The following ARHGAP39 variants were observed in gnomAD, a reference collection of about 807,000 sequenced individuals.
The protein encoded by ARHGAP39 is Rho GTPase activating protein 39.
ARHGAP39 carries 44 observed loss-of-function variants against 106.9 expected under a neutral mutation model. The observed-to-expected ratio is 0.41, with a 90% CI of 0.32 to 0.53. The LOEUF (loss-of-function observed/expected upper bound fraction) is 0.53. ARHGAP39 is among the 20% of genes least tolerant of loss of function. The pLI is 0.21. For synonymous variants in ARHGAP39, 768 were observed against 693.2 expected, an observed-to-expected ratio of 1.11 and a Z score of -1.69; for missense variants, 1,496 against 1,577.3, an observed-to-expected ratio of 0.95 and a Z score of 0.87.
intron 10 of ARHGAP39, 80 bp from the exon 11 acceptor site, chr8:144,530,951 T>A: frequency 6.7e-7 from 1 of 1,487,384 alleles, no homozygotes; most frequent in Non-Finnish European, 9.0e-7. Flanking sequence ...CGGACATGCA[T>A]GGAGGGGTGC....
intron 1 of ARHGAP39, among the ~76,000 whole-genome samples, chr8:144,626,561 C>T (rs1412738551): frequency 5.0e-5 from 7 of 139,820 alleles, no homozygotes; most frequent in East Asian, 4.2e-4. Context: ...GCCCCGTTCA[C>T]GGAGCACCCA....
chr8:144,699,180 G>A, the ARHGAP39 span: 1 of 230,542 alleles, frequency 4.3e-6, no homozygotes, highest in Non-Finnish European at 8.5e-6. Flanking sequence ...GCGCTGTGAG[G>A]CAGGGTGGTG....
intron 3 of ARHGAP39, among the ~76,000 whole-genome samples, chr8:144,575,852 C>A (rs1284023425): frequency 6.6e-6 from 1 of 152,180 alleles, no homozygotes. Flanking sequence ...TCACCACAGA[C>A]TTGCGAGTAC....
intron 1 of ARHGAP39, among the ~76,000 whole-genome samples, chr8:144,673,050 C>CTACAAAAAT (rs1822139601): frequency 6.6e-6 from 1 of 152,106 alleles, no homozygotes; most frequent in Non-Finnish European, 1.5e-5. Flanking sequence ...AATCCTGCCT[C>CTACAAAAAT]TACAAAAATT....
In ARHGAP39 at chr8:144,585,752, C is replaced by T. The variant is rs1267452439; in HGVS notation, c.81-4475G>A. Among the ~76,000 whole-genome samples the T allele has an allele frequency of 6.6e-6, 1 of 152,210 alleles. No individual in the cohort carries two copies. The highest frequency in any genetic ancestry group is 1.5e-5 in the Non-Finnish European group (1 of 68,032). On this transcript the variant is annotated intron_variant, in intron 2 of 11. Coordinates refer to ENST00000377307, the MANE Select transcript of ARHGAP39 (RefSeq NM_025251.3). This position sits in a 1 kb window ranked among gnomAD's most constrained non-coding sequence, Gnocchi z 4.6. ...GGTTGTGGCAGTCGGCTGTACACAC[C>T]ATGCTCTTAAATCTCAACCCTCATG...
chr8:144,595,605 A>G (rs891417743), intron 2 of ARHGAP39, among the ~76,000 whole-genome samples: 1 of 152,250 alleles, frequency 6.6e-6, no homozygotes, highest in Non-Finnish European at 1.5e-5. Context: ...CTCGCTGGGA[A>G]GGCCCCATCG....
Position 144,534,177 on chromosome 8 carries a change from C to G in ARHGAP39, c.2640G>C (p.Lys880Asn), listed in dbSNP as rs746088372. The G allele has an allele frequency of 6.2e-7, 1 of 1,613,406 alleles. No individual in the cohort carries two copies. Among genetic ancestry groups the G allele is most frequent in the Admixed American group, 1.7e-5 (1 of 59,998 alleles). The change falls in exon 8 of 12, where the codon AAG becomes AAC. Residue 880 changes from lysine to asparagine, a missense_variant. Lys to Asn is a moderately conservative substitution (Grantham distance 94, BLOSUM62 0). Coordinates refer to ENST00000377307, the MANE Select transcript of ARHGAP39 (RefSeq NM_025251.3). ...CCTTCTGTAGCTTGTGGTAACAGTACTTGGCATACGTGCTTATCGCCACCC... is the reference window on the plus strand; with the variant it reads ...CCTTCTGTAGCTTGTGGTAACAGTAGTTGGCATACGTGCTTATCGCCACCC... Reference protein sequence around the residue: ...PDGVAISTYAKYCYHKLQKAA... With the variant: ...PDGVAISTYANYCYHKLQKAA...
intron 8 of ARHGAP39, among the ~76,000 whole-genome samples, chr8:144,533,800 C>T (rs1816831024): frequency 6.6e-6 from 1 of 152,168 alleles, no homozygotes; most frequent in Non-Finnish European, 1.5e-5. Context: ...AGCAGCGCAT[C>T]AGAGAGAAGA....
chr8:144,609,281 A>G (rs1820400359), intron 1 of ARHGAP39, among the ~76,000 whole-genome samples: 3 of 152,168 alleles, frequency 2.0e-5, no homozygotes, highest in African/African-American at 7.2e-5. Flanking sequence ...ATCTATTGAA[A>G]TGATCACATG....
chr8:144,658,815 T>G (rs545357391), intron 1 of ARHGAP39, among the ~76,000 whole-genome samples: 2 of 152,272 alleles, frequency 1.3e-5, no homozygotes, highest in Admixed American at 1.3e-4. Flanking sequence ...ACTATATTCA[T>G]AGACAAAATG....
At chr8:144,543,673 C>G (rs1016979484) in intron 6 of ARHGAP39, among the ~76,000 whole-genome samples, 6 of 152,242 alleles carry the variant, frequency 3.9e-5, no homozygotes, top group Non-Finnish European at 7.3e-5. Flanking sequence ...CAGGACCCCA[C>G]AGGTGTAAGG....
intron 1 of ARHGAP39, among the ~76,000 whole-genome samples, chr8:144,633,439 C>T (rs965896600): frequency 6.6e-6 from 1 of 151,956 alleles, no homozygotes; most frequent in Admixed American, 6.6e-5. Context: ...AGCCTGGTGA[C>T]AGAGTGAGAC....
At chr8:144,546,573 G>C (rs1817430718) in intron 5 of ARHGAP39, among the ~76,000 whole-genome samples, 1 of 152,236 alleles carries the variant, frequency 6.6e-6, no homozygotes, top group South Asian at 2.1e-4. Context: ...CTGGACAGAG[G>C]TGCACGTGGC....
chr8:144,534,901 CAG>C (rs150049849), intron 7 of ARHGAP39, among the ~76,000 whole-genome samples: 4,203 of 152,302 alleles, frequency 0.028, 189 homozygotes, highest in African/African-American at 0.096. Context: ...TCTCCAGACA[CAG>C]AGCCCAGGGG....
At chr8:144,666,193 CT>C (rs1821959010) in intron 1 of ARHGAP39, among the ~76,000 whole-genome samples, 1 of 152,198 alleles carries the variant, frequency 6.6e-6, no homozygotes, top group African/African-American at 2.4e-5. Flanking sequence ...CCATTTGGAA[CT>C]GCTGTATTTA....
the ARHGAP39 span, among the ~76,000 whole-genome samples, chr8:144,700,176 G>A: frequency 6.6e-6 from 1 of 152,166 alleles, no homozygotes; most frequent in Non-Finnish European, 1.5e-5. The surrounding 1 kb of genome is among the most constrained non-coding windows in gnomAD (Gnocchi z 5.6). Flanking sequence ...CTCCCCCCTG[G>A]AGATCCCAGG....
chr8:144,547,193 C>T lies in ARHGAP39; in HGVS notation c.1893G>A (p.Leu631=). The T allele has an allele frequency of 6.2e-7, 1 of 1,612,310 alleles. No individual in the cohort carries two copies. The highest frequency in any genetic ancestry group is 8.5e-7 in the Non-Finnish European group (1 of 1,179,660). Residue 631 remains leucine, a synonymous_variant, in exon 5 of 12, where the codon CTG becomes CTA. Transcript: ENST00000377307. This position sits in a 1 kb window ranked among gnomAD's most constrained non-coding sequence, Gnocchi z 5.2. ...TCTGCACGGAGACGCTCTTCTCCAG[C>T]AGGATCTGGGGGAAGCCTAGCTTCT... is the stretch of plus-strand genomic sequence containing the variant. ...TFEKLGFPQI[L]LEKSVSVQTN...
rs1820225159 is a variant in ARHGAP39, at chr8:144,604,888, G to A, written c.80+647C>T. Among the ~76,000 whole-genome samples the A allele has an allele frequency of 6.6e-6, 1 of 152,222 alleles. No homozygotes were observed. Among genetic ancestry groups the A allele is most frequent in the African/African-American group, 2.4e-5 (1 of 41,460 alleles). On this transcript the variant is annotated intron_variant, in intron 2 of 11. Transcript: ENST00000377307. The surrounding 1 kb of genome is among the most constrained non-coding windows in gnomAD (Gnocchi z 4.1). ...GAGCAATGCTAGCCACAGGGTCTCT[G>A]GGCAAGGGCACTCGAGCACTCATGG... is the stretch of plus-strand genomic sequence containing the variant.
Position 144,559,354 on chromosome 8 carries a change from C to CAAAAAAAAAAAAAAAAAAAAAA in ARHGAP39, c.513-3733_513-3712dup, listed in dbSNP as rs59435627. Among the ~76,000 whole-genome samples the CAAAAAAAAAAAAAAAAAAAAAA allele has an allele frequency of 7.0e-5, 3 of 42,896 alleles. 1 individual carries two copies. The highest frequency in any genetic ancestry group is 3.5e-4 in the Admixed American group (1 of 2,888). The allele number at this position is 42,896 out of a possible 152,430, so 28.1% of individuals were successfully genotyped here. ...CCGGGTGACAGAGTGACTTTGTCTCCAAAAAAAAAAAAAAAAAAAAAAAAA... is the reference window on the plus strand; with the variant it reads ...CCGGGTGACAGAGTGACTTTGTCTCCAAAAAAAAAAAAAAAAAAAAAAAAAAAAAAAAAAAAAAAAAAAAAAA... On this transcript the variant is annotated intron_variant, in intron 3 of 11. Transcript: ENST00000377307.
Sources: gnomAD v4.1 joint callset for allele counts (sites outside exome capture counted in the v4.1 genomes callset) on GRCh38, gnomAD v4.1.1 for gene constraint, Gnocchi (gnomAD v3.1) non-coding constraint, MANE v1.5 for transcripts, NCBI Gene and HGNC (gene_info 2026-07-23, HGNC 2026-07-21) for gene names.